ARHGAP11A: variants seen among roughly 807,000 people sequenced by gnomAD.
The protein encoded by ARHGAP11A is rho GTPase-activating protein 11A.
In ARHGAP11A, 36 loss-of-function variants were observed where a neutral mutation model predicts 60.5. That is an observed-to-expected ratio of 0.59 (90% CI 0.46 to 0.79). The LOEUF is 0.79. Among genes scored for constraint, ARHGAP11A ranks in the 30% least tolerant of loss-of-function variants. The pLI, the probability that ARHGAP11A is intolerant of heterozygous loss-of-function variation, is 0.00. For missense variants in ARHGAP11A, 1,071 were observed against 1,199.2 expected (o/e 0.89, Z 1.58); for synonymous variants, 362 against 415.5 (o/e 0.87, Z 1.57).
At chr15:32,617,424 G>A (rs1213304168) in intron 1 of ARHGAP11A, among the ~76,000 whole-genome samples, 1 of 149,954 alleles carries the variant, frequency 6.7e-6, no homozygotes, top group Non-Finnish European at 1.5e-5. Context: ...TAAGTATATG[G>A]AAGAGTTTGT....
rs1465718321 is a variant in ARHGAP11A, at chr15:32,639,612, A to C, written c.*1767A>C. On this transcript the variant is annotated 3_prime_UTR_variant, in exon 12 of 12. Coordinates refer to ENST00000361627, the MANE Select transcript of ARHGAP11A (RefSeq NM_014783.6). ...GGGTTTAACTGTACATACTACCTGAACTGGCTTTTCTGAGAGATGAATCAA... is the reference window on the plus strand; with the variant it reads ...GGGTTTAACTGTACATACTACCTGACCTGGCTTTTCTGAGAGATGAATCAA... 1 of 152,224 alleles carries C rather than the reference A, an allele frequency of 6.6e-6. No individual in the cohort carries two copies. The highest frequency in any genetic ancestry group is 1.5e-5 in the Non-Finnish European group (1 of 68,036). 9.4% of individuals were successfully genotyped at this position (152,224 alleles called of 1,614,324 possible). A position where few individuals can be genotyped will look rare whatever the true frequency, so the allele number is the denominator to read the frequency against.
chr15:32,635,800 A>G lies in ARHGAP11A; in HGVS notation c.1368A>G (p.Arg456=), dbSNP rs777768612. Residue 456 remains arginine (R), a synonymous_variant, in exon 11 of 12, where the codon AGA becomes AGG. Coordinates refer to ENST00000361627, the MANE Select transcript of ARHGAP11A (RefSeq NM_014783.6). ...REVNGCSGVN[R]YESVGWRLAN... The stretch of plus-strand genomic sequence containing the variant: ...AGAATGGATGTTCTGGTGTCAATAG[A>G]TATGAAAGTGTTGGTTGGCGACTTG... 1 of 1,610,062 alleles carries G rather than the reference A, an allele frequency of 6.2e-7. No homozygotes were observed. The highest frequency in any genetic ancestry group is 1.1e-5 in the South Asian group (1 of 90,270).
chr15:32,637,544 C>G lies in ARHGAP11A; in HGVS notation c.2771C>G (p.Pro924Arg). ...GAISKSSMEL[P>R]SKSFLKMRKH... ...ATTTCAAAGTCAAGCATGGAGTTAC[C>G]CTCGAAATCTTTCTTAAAGATGAGG... Residue 924 changes from proline (P) to arginine (R), a missense_variant, in exon 12 of 12, where the codon CCC becomes CGC. Transcript: ENST00000361627. The G allele has an allele frequency of 6.2e-7, 1 of 1,613,974 alleles. No individual in the cohort carries two copies. Among genetic ancestry groups the G allele is most frequent in the Non-Finnish European group, 8.5e-7 (1 of 1,180,026 alleles).
rs990047656 is a variant in ARHGAP11A at position 32,637,959 on chromosome 15, C to T, written c.*114C>T. 1.6e-5 allele frequency: 15 copies of T among 938,292 alleles called. No individual in the cohort carries two copies. The African/African-American group carries it at 2.3e-4, about 15-fold the overall frequency. 58.1% of individuals were successfully genotyped at this position (938,292 alleles called of 1,614,324 possible). A position where few individuals can be genotyped will look rare whatever the true frequency, so the allele number is the denominator to read the frequency against. On this transcript the variant is annotated 3_prime_UTR_variant, in exon 12 of 12. Transcript: ENST00000361627. ...GGATGATTGTTAAGCAATAGATTTG[C>T]TCTATTGAAAATGTTTCATTTTTTT...
Position 32,629,699 on chromosome 15 carries a change from C to G in ARHGAP11A, c.1042C>G (p.His348Asp). The stretch of plus-strand genomic sequence containing the variant: ...AAGTAAGAAAAGGAAGTCCATCAAG[C>G]ACAATTTTAACTTTGAGCTGTTGCC... ...FSSKKRKSIKHNFNFELLPSN... is the reference protein window; with the variant it reads ...FSSKKRKSIKDNFNFELLPSN... The change falls in exon 8 of 12, where the codon CAC (histidine) becomes GAC (aspartate). Residue 348 changes from histidine (H) to aspartate (D), a missense_variant. By Grantham distance (81) the His-to-Asp change is moderately conservative. Around this residue, in one of 4 missense-constraint regions of ARHGAP11A, gnomAD observed 196 missense variants for 272.1 expected, o/e 0.72. Coordinates refer to ENST00000361627, the MANE Select transcript of ARHGAP11A (RefSeq NM_014783.6). The G allele has an allele frequency of 1.2e-6, 2 of 1,613,358 alleles. No individual in the cohort carries two copies. The highest frequency in any genetic ancestry group is 1.7e-6 in the Non-Finnish European group (2 of 1,179,656).
Position 32,625,579 on chromosome 15 carries a change from G to C in ARHGAP11A, c.808G>C (p.Gly270Arg). ...ATPSLEGFEE[G>R]EYETPGEYKR... ...TCCATCACTGGAAGGCTTTGAAGAA[G>C]GTGAATATGAAACTCCTGGTGAATA... The change falls in exon 6 of 12, where the codon GGT (glycine) becomes CGT (arginine). Residue 270 changes from glycine (G) to arginine (R), a missense_variant. This residue lies in a region of ARHGAP11A where 196 missense variants were observed against 272.1 expected (regional missense o/e 0.72). Coordinates refer to ENST00000361627, the MANE Select transcript of ARHGAP11A (RefSeq NM_014783.6). The C allele has an allele frequency of 1.2e-6, 2 of 1,613,902 alleles. No individual in the cohort carries two copies. Among genetic ancestry groups the C allele is most frequent in the Non-Finnish European group, 8.5e-7 (1 of 1,179,830 alleles).
At chr15:32,624,026 A>T (rs926929716) in intron 3 of ARHGAP11A, 147 bp from the exon 4 acceptor site, 2 of 598,346 alleles carry the variant, frequency 3.3e-6, no homozygotes, top group South Asian at 2.3e-5. Context: ...TTCAAAAATC[A>T]TTAAAAATAA....
chr15:32,637,060 T>C lies in ARHGAP11A; in HGVS notation c.2287T>C (p.Phe763Leu). ...TAGCAAGGACGAGGCTAGATCCTCT[T>C]TCTCACAGCAGAGTACATGTGTTGT... Reference protein sequence around the residue: ...AHSKDEARSSFSQQSTCVVTN... With the variant: ...AHSKDEARSSLSQQSTCVVTN... Residue 763 changes from phenylalanine to leucine, a missense_variant, in exon 12 of 12, where the codon TTC becomes CTC. Physicochemically the swap from Phe to Leu is conservative, Grantham distance 22. This residue lies in a region of ARHGAP11A where 776 missense variants were observed against 760.2 expected (regional missense o/e 1.02). Transcript: ENST00000361627. 6.2e-7 allele frequency: 1 copy of C among 1,613,976 alleles called. No homozygotes were observed. The highest frequency in any genetic ancestry group is 8.5e-7 in the Non-Finnish European group (1 of 1,180,028).
Position 32,625,237 on chromosome 15 carries a change from G to T in ARHGAP11A, c.709G>T (p.Asp237Tyr), listed in dbSNP as rs919466357. Residue 237 changes from aspartate (D) to tyrosine (Y), a missense_variant, in exon 5 of 12, where the codon GAT becomes TAT. Physicochemically the swap from Asp to Tyr is radical, Grantham distance 160. Transcript: ENST00000361627. Reference protein sequence around the residue: ...VVQTLIDYASDIGRVPDFILE... With the variant: ...VVQTLIDYASYIGRVPDFILE... The stretch of plus-strand genomic sequence containing the variant: ...ACAGACTCTTATCGATTATGCATCA[G>T]ATATTGGTAAGATGTAGTTGCATTA... 1.2e-6 allele frequency: 2 copies of T among 1,604,920 alleles called. No homozygotes were observed. The highest frequency in any genetic ancestry group is 8.5e-7 in the Non-Finnish European group (1 of 1,176,152).
chr15:32,622,890 A>G (rs372078855), intron 2 of ARHGAP11A, among the ~76,000 whole-genome samples: 15 of 152,246 alleles, frequency 9.9e-5, no homozygotes, highest in South Asian at 2.1e-4. Context: ...GGCCTTGGAC[A>G]GAGCCCTGGG....
At chr15:32,620,005 T>G (rs1437600544) in intron 1 of ARHGAP11A, 103 bp from the exon 2 acceptor site, 1 of 1,559,338 alleles carries the variant, frequency 6.4e-7, no homozygotes, top group Non-Finnish European at 8.7e-7. Flanking sequence ...CATTTATTTC[T>G]GATTTTTTTT....
chr15:32,634,578 G>A (rs1434853981), intron 10 of ARHGAP11A, among the ~76,000 whole-genome samples: 1 of 152,074 alleles, frequency 6.6e-6, no homozygotes. Flanking sequence ...GAATGACTCC[G>A]CTGTCTCTTA....
In ARHGAP11A at chr15:32,625,083, C is replaced by A; in HGVS notation, c.555C>A (p.Ser185=). 1 of 1,613,688 alleles carries A rather than the reference C, an allele frequency of 6.2e-7. No homozygotes were observed. The highest frequency in any genetic ancestry group is 8.5e-7 in the Non-Finnish European group (1 of 1,179,762). The change falls in exon 5 of 12, where the codon TCC becomes TCA. Residue 185 remains serine (S), a synonymous_variant. Coordinates refer to ENST00000361627, the MANE Select transcript of ARHGAP11A (RefSeq NM_014783.6). ...FNFLRNVSLR[S]SENKMDSSNL... ...ATAAAGCGTTTATTCACTTAAGATC[C>A]AGTGAGAATAAGATGGACAGCAGCA...
chr15:32,619,665 A>G (rs1057469695), intron 1 of ARHGAP11A, among the ~76,000 whole-genome samples: 2 of 152,176 alleles, frequency 1.3e-5, no homozygotes, highest in African/African-American at 4.8e-5. Flanking sequence ...TTTGCTTTTC[A>G]ATTGACTTAG....
At position 32,638,827 on chromosome 15, in the gene ARHGAP11A, T is replaced by C. The variant is rs1432954662; in HGVS notation, c.*982T>C. On this transcript the variant is annotated 3_prime_UTR_variant, in exon 12 of 12. Coordinates refer to ENST00000361627, the MANE Select transcript of ARHGAP11A (RefSeq NM_014783.6). ...ATTTGCACAAACACGTTTGTGTCTG[T>C]TCTGTCCAATATAGATTTGGCAATT... 1 of 152,662 alleles carries C rather than the reference T, an allele frequency of 6.6e-6. No individual in the cohort carries two copies. The highest frequency in any genetic ancestry group is 2.4e-5 in the African/African-American group (1 of 41,464). The allele number at this position is 152,662 out of a possible 1,614,324, so 9.5% of individuals were successfully genotyped here. A position where few individuals can be genotyped will look rare whatever the true frequency, so the allele number is the denominator to read the frequency against.
At chr15:32,623,321 A>G (rs530450806) in intron 2 of ARHGAP11A, among the ~76,000 whole-genome samples, 171 bp from the exon 3 acceptor site, 1 of 152,342 alleles carries the variant, frequency 6.6e-6, no homozygotes, top group African/African-American at 2.4e-5. Context: ...CTTGGAGAAG[A>G]ATTTGGGAAG....
intron 8 of ARHGAP11A, among the ~76,000 whole-genome samples, chr15:32,631,941 C>T (rs921042590): frequency 6.6e-6 from 1 of 152,210 alleles, no homozygotes; most frequent in Non-Finnish European, 1.5e-5. Context: ...TCCCAAAATA[C>T]TGGGATTACA....
At position 32,615,927 on chromosome 15, in the gene ARHGAP11A, C is replaced by T. The variant is rs552688020; in HGVS notation, c.-285C>T. On this transcript the variant is annotated 5_prime_UTR_variant, in exon 1 of 12. Transcript: ENST00000361627. ...ATCAGAAAGAAGTCTATGTGAGTAG[C>T]TGAAAGCATTGGGTGACCAGAAAGA... 18 of 484,222 alleles carry T rather than the reference C, an allele frequency of 3.7e-5. No individual in the cohort carries two copies. In the East Asian group the frequency reaches 4.6e-4, roughly 12 times the overall value. 30.0% of individuals were successfully genotyped at this position (484,222 alleles called of 1,614,324 possible).
Position 32,636,887 on chromosome 15 carries a change from C to A in ARHGAP11A, c.2114C>A (p.Ser705Ter). The change falls in exon 12 of 12, where the codon TCA (serine) becomes TAA (stop). Residue 705 changes from serine to a stop codon, truncating the protein, a stop_gained. Transcript: ENST00000361627. LOFTEE classifies it low-confidence loss of function (END_TRUNC). Reference protein sequence around the residue: ...MKMEHEKDIHSNMPKDYLSKQ... With the variant: ...MKMEHEKDIH The stretch of plus-strand genomic sequence containing the variant: ...ATGGAACATGAAAAAGACATTCATT[C>A]AAATATGCCAAAAGATTATTTAAGC... The A allele has an allele frequency of 6.2e-7, 1 of 1,612,986 alleles. No homozygotes were observed. Among genetic ancestry groups the A allele is most frequent in the Non-Finnish European group, 8.5e-7 (1 of 1,179,734 alleles).
Sources: allele counts gnomAD v4.1 joint callset (sites outside exome capture counted in the v4.1 genomes callset), GRCh38; gene constraint gnomAD v4.1.1; regional missense constraint gnomAD v4.1.1; transcripts MANE v1.5; gene names NCBI Gene and HGNC (gene_info 2026-07-23, HGNC 2026-07-21).